The following DBNL variants were observed in gnomAD, a reference collection of about 807,000 sequenced individuals.
DBNL encodes the protein drebrin-like protein.
DBNL carries 35 observed loss-of-function variants against 62.2 expected under a neutral mutation model. That is an observed-to-expected ratio of 0.56 (90% CI 0.43 to 0.75). The LOEUF is 0.75. Ranked by LOEUF, DBNL falls within the 30% of genes least tolerant of loss-of-function variation. The pLI, the probability that DBNL is intolerant of heterozygous loss-of-function variation, is 0.00. For missense variants in DBNL, 495 were observed against 578.4 expected (o/e 0.86, Z 1.48); for synonymous variants, 197 against 218.0 (o/e 0.90, Z 0.85).
Position 44,050,209 on chromosome 7 carries a change from T to G in DBNL, c.84-16T>G, listed in dbSNP as rs1157488083. On this transcript the variant is annotated splice_polypyrimidine_tract_variant and intron_variant, in intron 1 of 12. Coordinates refer to ENST00000448521, the MANE Select transcript of DBNL (RefSeq NM_001014436.3). ...CCAAGGTGCTGGCTACAGAGCTCACTTGTGTTTCGTTTCAGGGCTCTCTTT... is the reference window on the plus strand; with the variant it reads ...CCAAGGTGCTGGCTACAGAGCTCACGTGTGTTTCGTTTCAGGGCTCTCTTT... 1.2e-6 allele frequency: 2 copies of G among 1,613,258 alleles called. No individual in the cohort carries two copies. Among genetic ancestry groups the G allele is most frequent in the African/African-American group, 2.7e-5 (2 of 75,034 alleles).
rs757861014 is a variant in DBNL at position 44,058,292 on chromosome 7, G to A, written c.704+12G>A. On this transcript the variant is annotated intron_variant, in intron 7 of 12. Coordinates refer to ENST00000448521, the MANE Select transcript of DBNL (RefSeq NM_001014436.3). The stretch of plus-strand genomic sequence containing the variant: ...GCCAGCCCCCAGAGGTGAGCCAGAG[G>A]TGGAGGCTGGCCTGGGGGACCCACC... 7 of 1,576,242 alleles carry A rather than the reference G, an allele frequency of 4.4e-6. No individual in the cohort carries two copies. The highest frequency in any genetic ancestry group is 6.0e-6 in the Non-Finnish European group (7 of 1,160,432).
At chr7:44,049,185 C>T (rs780998488) in intron 1 of DBNL, among the ~76,000 whole-genome samples, 2 of 152,104 alleles carry the variant, frequency 1.3e-5, no homozygotes, top group Non-Finnish European at 2.9e-5. Flanking sequence ...GAGATGGAGT[C>T]TCACTCTGTT....
At chr7:44,048,115 A>G (rs537453709) in intron 1 of DBNL, among the ~76,000 whole-genome samples, 13 of 152,162 alleles carry the variant, frequency 8.5e-5, no homozygotes, top group African/African-American at 3.1e-4. Flanking sequence ...GGGGTTTCCC[A>G]TGTTGGCCAG....
intron 1 of DBNL, among the ~76,000 whole-genome samples, chr7:44,045,364 C>T (rs2096115272): frequency 6.6e-6 from 1 of 152,332 alleles, no homozygotes. Context: ...TGTCTGTGAA[C>T]GTGGACTTCA....
intron 4 of DBNL, among the ~76,000 whole-genome samples, chr7:44,054,013 A>C (rs2096131479): frequency 6.6e-6 from 1 of 152,156 alleles, no homozygotes; most frequent in Non-Finnish European, 1.5e-5. Flanking sequence ...CATAATGCTT[A>C]AAGGAAATGT....
rs528594391 is a variant in DBNL at position 44,060,717 on chromosome 7, C to T, written c.1154-60C>T. On this transcript the variant is annotated intron_variant, in intron 12 of 12. Transcript: ENST00000448521. This position sits in a 1 kb window ranked among gnomAD's most constrained non-coding sequence, Gnocchi z 6.3. ...CAGTGTGGGGCTGCCGTGGGCTGCC[C>T]GAGCAGGTGGGATGTGGGAGGGAGC... is the stretch of plus-strand genomic sequence containing the variant. 4.4e-4 allele frequency: 703 copies of T among 1,587,982 alleles called. 9 individuals carry two copies. In the South Asian group the frequency reaches 5.7e-3, roughly 13 times the overall value.
chr7:44,052,340 T>C (rs2096128040), intron 3 of DBNL, among the ~76,000 whole-genome samples: 1 of 151,866 alleles, frequency 6.6e-6, no homozygotes, highest in African/African-American at 2.4e-5. Flanking sequence ...CTGGGTGGGG[T>C]GGCTCACACC....
Position 44,060,857 on chromosome 7 carries a change from T to A in DBNL, c.1234T>A (p.Tyr412Asn). The A allele has an allele frequency of 1.9e-6, 3 of 1,614,114 alleles. No homozygotes were observed. Among genetic ancestry groups the A allele is most frequent in the Non-Finnish European group, 2.5e-6 (3 of 1,179,988 alleles). The part of the protein sequence containing the change: ...EVIDEGWWRG[Y>N]GPDGHFGMFP... ...GATCGACGAAGGCTGGTGGCGTGGC[T>A]ATGGGCCGGATGGCCATTTTGGCAT... is the stretch of plus-strand genomic sequence containing the variant. The change falls in exon 13 of 13, where the codon TAT becomes AAT. Residue 412 changes from tyrosine (Y) to asparagine (N), a missense_variant. Transcript: ENST00000448521. The surrounding 1 kb of genome is among the most constrained non-coding windows in gnomAD (Gnocchi z 6.3).
Position 44,058,469 on chromosome 7 carries a change from C to T in DBNL, c.742C>T (p.Arg248Ter). ...GCAGCAAGAAGTGGTTTCAAGGAAC[C>T]GAAATGAGCAGGTAAGATGGGGGTG... ...EQQQEVVSRN[R>*]NEQESAVHPR... Residue 248 changes from arginine to a stop codon, truncating the protein, a stop_gained, in exon 8 of 13, where the codon CGA becomes TGA. Transcript: ENST00000448521. LOFTEE classifies it high-confidence loss of function. 9 of 1,614,064 alleles carry T rather than the reference C, an allele frequency of 5.6e-6. No individual in the cohort carries two copies. The highest frequency in any genetic ancestry group is 2.2e-5 in the East Asian group (1 of 44,886).
intron 4 of DBNL, among the ~76,000 whole-genome samples, chr7:44,053,928 G>T (rs2096131268): frequency 6.6e-6 from 1 of 152,004 alleles, no homozygotes; most frequent in Non-Finnish European, 1.5e-5. Context: ...TGCCCGCCTT[G>T]GCCTCCCAAA....
At position 44,063,042 on chromosome 7, in the gene DBNL, T is replaced by C. The variant is rs2096152194; in HGVS notation, c.*2126T>C. The C allele has an allele frequency of 1.8e-6, 2 of 1,142,368 alleles. No individual in the cohort carries two copies. Among genetic ancestry groups the C allele is most frequent in the African/African-American group, 3.0e-5 (2 of 65,868 alleles). The allele number at this position is 1,142,368 out of a possible 1,614,324, so 70.8% of individuals were successfully genotyped here. On this transcript the variant is annotated 3_prime_UTR_variant, in exon 13 of 13. Coordinates refer to ENST00000448521, the MANE Select transcript of DBNL (RefSeq NM_001014436.3). ...AGCCAGTTCCCCTGGCACCAATTCC[T>C]TCCCAGCCCTGAGAACGAGGCCACA...
Position 44,059,672 on chromosome 7 carries a change from C to T in DBNL, c.1047+14C>T, listed in dbSNP as rs775689793. 4 of 1,584,890 alleles carry T rather than the reference C, an allele frequency of 2.5e-6. No homozygotes were observed. Among genetic ancestry groups the T allele is most frequent in the Non-Finnish European group, 3.4e-6 (4 of 1,171,122 alleles). ...CAGCCCCCACTGGTGGGTTCCTACA[C>T]TGGGGCTGGGGCCAGGAAGGGGCTG... On this transcript the variant is annotated intron_variant, in intron 11 of 12. Transcript: ENST00000448521. This position sits in a 1 kb window ranked among gnomAD's most constrained non-coding sequence, Gnocchi z 4.1.
Position 44,064,705 on chromosome 7 carries a change from T to C in DBNL, c.*3789T>C, listed in dbSNP as rs965500809. On this transcript the variant is annotated 3_prime_UTR_variant, in exon 13 of 13. Transcript: ENST00000448521. Reference sequence around the variant, plus strand: ...AAAAATGGCTTCTCAGCCCTCCTTTTTCAGTGAATGATGTGGAGCCCCACG... The same window carrying C: ...AAAAATGGCTTCTCAGCCCTCCTTTCTCAGTGAATGATGTGGAGCCCCACG... 1 of 853,846 alleles carries C rather than the reference T, an allele frequency of 1.2e-6. No homozygotes were observed. Among genetic ancestry groups the C allele is most frequent in the East Asian group, 2.7e-5 (1 of 37,476 alleles). 52.9% of individuals were successfully genotyped at this position (853,846 alleles called of 1,614,324 possible). A position where few individuals can be genotyped will look rare whatever the true frequency, so the allele number is the denominator to read the frequency against.
At chr7:44,058,792 C>T in intron 8 of DBNL, 110 bp from the exon 9 acceptor site, 1 of 1,257,870 alleles carries the variant, frequency 7.9e-7, no homozygotes, top group South Asian at 1.3e-5. Context: ...CCTCCTGGCC[C>T]CACACTCACC....
rs2096144269 is a variant in DBNL, at chr7:44,059,585, T to C, written c.974T>C (p.Leu325Pro). The change falls in exon 11 of 13, where the codon CTG (leucine) becomes CCG (proline). Residue 325 changes from leucine (L) to proline (P), a missense_variant. By Grantham distance (98) the Leu-to-Pro change is moderately conservative. Coordinates refer to ENST00000448521, the MANE Select transcript of DBNL (RefSeq NM_001014436.3). This position sits in a 1 kb window ranked among gnomAD's most constrained non-coding sequence, Gnocchi z 4.1. The stretch of plus-strand genomic sequence containing the variant: ...CCGGCGCCCAGCACTCCTCCATGTC[T>C]GGTGCAGGCAGAAGAGGAGGCTGTG... ...EEPAPSTPPC[L>P]VQAEEEAVYE... The C allele has an allele frequency of 6.2e-7, 1 of 1,612,220 alleles. No homozygotes were observed. The highest frequency in any genetic ancestry group is 1.3e-5 in the African/African-American group (1 of 74,852).
At position 44,056,690 on chromosome 7, in the gene DBNL, C is replaced by T. The variant is rs781398257; in HGVS notation, c.328-67C>T. 5.6e-6 allele frequency: 9 copies of T among 1,603,390 alleles called. No homozygotes were observed. In the South Asian group the frequency reaches 1.0e-4, roughly 18 times the overall value. ...ATAGTAGTGGCCCGTGCTGTATGGA[C>T]TGACAGGAGTTTGGCCCATCTCCTG... On this transcript the variant is annotated intron_variant, in intron 4 of 12. Coordinates refer to ENST00000448521, the MANE Select transcript of DBNL (RefSeq NM_001014436.3).
Position 44,058,990 on chromosome 7 carries a change from T to C in DBNL, c.835+7T>C. 6.2e-7 allele frequency: 1 copy of C among 1,613,624 alleles called. No homozygotes were observed. Among genetic ancestry groups the C allele is most frequent in the Non-Finnish European group, 8.5e-7 (1 of 1,179,868 alleles). ...ATCTCCAGTCCTCAGCCTGGTGAGC[T>C]CTCCCTTTGGGCCTGGCCATGAGGC... On this transcript the variant is annotated splice_region_variant and intron_variant, in intron 9 of 12. Transcript: ENST00000448521.
chr7:44,056,967 A>G, intron 5 of DBNL, 64 bp downstream of exon 5: 1 of 1,603,560 alleles, frequency 6.2e-7, no homozygotes, highest in African/African-American at 1.3e-5. Flanking sequence ...GGGGCCAGGA[A>G]TATGCACTTC....
At chr7:44,049,795 ACTTG>A (rs1343987181) in intron 1 of DBNL, 1 of 160,482 alleles carries the variant, frequency 6.2e-6, no homozygotes, top group African/African-American at 2.4e-5. Context: ...TATTTCTCCG[ACTTG>A]CTTCTCCTTT....
Sources: gnomAD v4.1 joint callset for allele counts (sites outside exome capture counted in the v4.1 genomes callset) on GRCh38, gnomAD v4.1.1 for gene constraint, Gnocchi (gnomAD v3.1) non-coding constraint, MANE v1.5 for transcripts, NCBI Gene and HGNC (gene_info 2026-07-23, HGNC 2026-07-21) for gene names.